Variants in NXPE1 observed in about 807,000 individuals in gnomAD.
NXPE1 encodes neurexophilin and PC-esterase domain family member 1, also known as NXPE family member 1.
Under a neutral mutation model 33.3 loss-of-function variants are expected in NXPE1, and 31 were observed. The observed-to-expected ratio is 0.93, with a 90% CI of 0.70 to 1.26. The LOEUF is 1.26. Among genes scored for constraint, NXPE1 ranks in the 50% most tolerant of loss-of-function variants. NXPE1 has a pLI of 0.00. For missense variants in NXPE1, 661 were observed against 655.6 expected (o/e 1.01, Z -0.09); for synonymous variants, 229 against 231.4 (o/e 0.99, Z 0.09).
intron 5 of NXPE1, among the ~76,000 whole-genome samples, chr11:114,540,139 T>C (rs917514474): frequency 3.3e-5 from 5 of 152,190 alleles, no homozygotes; most frequent in African/African-American, 1.2e-4. Flanking sequence ...CTATTTTTAG[T>C]AGAGATGGGG....
At chr11:114,540,427 A>G (rs1422994522) in intron 5 of NXPE1, among the ~76,000 whole-genome samples, 1 of 152,242 alleles carries the variant, frequency 6.6e-6, no homozygotes, top group Non-Finnish European at 1.5e-5. Flanking sequence ...AATAAATACA[A>G]ACACTAACTC....
downstream of NXPE1, among the ~76,000 whole-genome samples, chr11:114,520,123 G>A (rs574637508): frequency 1.1e-4 from 16 of 152,162 alleles, no homozygotes; most frequent in South Asian, 3.1e-3. Context: ...TTTAATTGAG[G>A]TAGAATACCT....
chr11:114,555,263 G>A (rs549604175), intron 1 of NXPE1, among the ~76,000 whole-genome samples: 1 of 151,948 alleles, frequency 6.6e-6, no homozygotes, highest in African/African-American at 2.4e-5. Flanking sequence ...TTGCTCTGTT[G>A]CCCAGGCTGG....
chr11:114,530,435 A>G, exon 6 of NXPE1: 1 of 1,614,238 alleles, frequency 6.2e-7, no homozygotes, highest in Non-Finnish European at 8.5e-7. Context: ...CCCTCCAGAG[A>G]GCCGACGCCC....
At chr11:114,543,579 A>G (rs938051769) in intron 5 of NXPE1, among the ~76,000 whole-genome samples, 4 of 152,016 alleles carry the variant, frequency 2.6e-5, no homozygotes, top group Non-Finnish European at 5.9e-5. Flanking sequence ...GGCTTACATA[A>G]GAGACATACT....
At chr11:114,521,906 A>G (rs772250608) in exon 9 of NXPE1, 1 of 1,253,142 alleles carries the variant, frequency 8.0e-7, no homozygotes, top group Non-Finnish European at 1.1e-6. Flanking sequence ...AACTTACTTT[A>G]CAATACATGT....
At chr11:114,552,272 G>C (rs1948513660) in intron 2 of NXPE1, among the ~76,000 whole-genome samples, 187 bp from the exon 3 acceptor site, 1 of 152,160 alleles carries the variant, frequency 6.6e-6, no homozygotes, top group Non-Finnish European at 1.5e-5. Flanking sequence ...AACTTGTAGA[G>C]GTGTTGAGTG....
chr11:114,532,947 G>T (rs1241295720), intron 5 of NXPE1, among the ~76,000 whole-genome samples: 5 of 152,092 alleles, frequency 3.3e-5, no homozygotes, highest in Non-Finnish European at 7.4e-5. Context: ...GCAATAAAAG[G>T]ATTTGATGTA....
intron 5 of NXPE1, among the ~76,000 whole-genome samples, chr11:114,541,135 T>G (rs1377400260): frequency 6.6e-6 from 1 of 152,138 alleles, no homozygotes; most frequent in East Asian, 1.9e-4. Context: ...TGAACCAAGT[T>G]AATCGATTGC....
chr11:114,548,546 A>C (rs1421896854), intron 5 of NXPE1, among the ~76,000 whole-genome samples: 1 of 152,074 alleles, frequency 6.6e-6, no homozygotes, highest in African/African-American at 2.4e-5. Flanking sequence ...AGAAGTTAAA[A>C]ATGTTTCTAA....
Position 114,550,532 on chromosome 11 carries a change from T to C in NXPE1, c.99+571A>G, listed in dbSNP as rs532479501. On this transcript the variant is annotated intron_variant, in intron 5 of 8. Coordinates refer to ENST00000534921, the Ensembl canonical transcript of NXPE1. ...AATTGGAGAGTCATATGGAAAAAGTTAAATGAGATTGATGTCTTATATCTT... is the reference window on the plus strand; with the variant it reads ...AATTGGAGAGTCATATGGAAAAAGTCAAATGAGATTGATGTCTTATATCTT... 5.9e-5 allele frequency among the ~76,000 whole-genome samples: 9 copies of C among 152,236 alleles called. No homozygotes were observed. The East Asian group carries it at 1.7e-3, about 29-fold the overall frequency.
downstream of NXPE1, among the ~76,000 whole-genome samples, chr11:114,520,990 A>C (rs114984687): frequency 8.3e-4 from 127 of 152,322 alleles, no homozygotes; most frequent in African/African-American, 2.9e-3. Flanking sequence ...GTAAAGTTCC[A>C]ATCAAACCTT....
chr11:114,523,751 G>A (rs961664022), intron 7 of NXPE1, among the ~76,000 whole-genome samples: 3 of 152,054 alleles, frequency 2.0e-5, no homozygotes, highest in African/African-American at 4.8e-5. Context: ...TCTTGTTATG[G>A]CATAACAAAG....
rs780008512 is a variant in NXPE1, at chr11:114,530,274, A to C, written c.734T>G (p.Met245Arg). ...CTCACAGGGCATGTGTTGAGGCTTC[A>C]TACAATAGAAGGCTTCTTGGTCTCT... Residue 245 changes from methionine (M) to arginine (R), a missense_variant, in exon 6 of 9, where the codon ATG becomes AGG. Coordinates refer to ENST00000534921, the Ensembl canonical transcript of NXPE1. The C allele has an allele frequency of 1.6e-5, 26 of 1,614,108 alleles. No homozygotes were observed. In the South Asian group the frequency reaches 2.7e-4, roughly 17 times the overall value.
At chr11:114,543,100 A>G (rs1185956928) in intron 5 of NXPE1, among the ~76,000 whole-genome samples, 1 of 152,108 alleles carries the variant, frequency 6.6e-6, no homozygotes, top group African/African-American at 2.4e-5. Context: ...CAAAATACAT[A>G]AAGAAATCAC....
intron 5 of NXPE1, among the ~76,000 whole-genome samples, chr11:114,547,510 T>C (rs1362241827): frequency 6.6e-6 from 1 of 151,974 alleles, no homozygotes; most frequent in East Asian, 1.9e-4. Context: ...TGAGGCAGGT[T>C]GATCACTTGA....
intron 5 of NXPE1, among the ~76,000 whole-genome samples, chr11:114,544,238 A>G (rs536156952): frequency 1.3e-4 from 20 of 152,300 alleles, no homozygotes; most frequent in Admixed American, 5.2e-4. Flanking sequence ...ACTGACTGAA[A>G]TTTTATATGG....
chr11:114,547,406 C>G (rs1474875034), intron 5 of NXPE1, among the ~76,000 whole-genome samples: 1 of 152,184 alleles, frequency 6.6e-6, no homozygotes, highest in East Asian at 1.9e-4. Context: ...TCAATGTCAT[C>G]AAAAACAAGG....
intron 7 of NXPE1, among the ~76,000 whole-genome samples, chr11:114,523,762 G>C (rs1947285736): frequency 6.6e-6 from 1 of 152,002 alleles, no homozygotes; most frequent in South Asian, 2.1e-4. Flanking sequence ...CATAACAAAG[G>C]GCATCCAATT....
Sources: gnomAD v4.1 joint callset for allele counts (sites outside exome capture counted in the v4.1 genomes callset) on GRCh38, gnomAD v4.1.1 for gene constraint, MANE v1.5 for transcripts, NCBI Gene and HGNC (gene_info 2026-07-23, HGNC 2026-07-21) for gene names.